SANBR: variants seen among roughly 807,000 people sequenced by gnomAD.
The protein encoded by SANBR is SANT and BTB domain regulator of CSR.
In SANBR, 77 loss-of-function variants were observed where a neutral mutation model predicts 101.8. The observed-to-expected ratio is 0.76, with a 90% confidence interval of 0.63 to 0.91. The LOEUF is 0.91. Ranked by LOEUF, SANBR falls within the 40% of genes least tolerant of loss-of-function variation. The pLI is 0.00. For missense variants in SANBR, 875 were observed against 853.0 expected, an observed-to-expected ratio of 1.03 and a Z score of -0.32; for synonymous variants, 279 against 274.7, an observed-to-expected ratio of 1.02 and a Z score of -0.15.
At chr2:61,105,560 G>A (rs1363856843) in intron 13 of SANBR, among the ~76,000 whole-genome samples, 1 of 151,812 alleles carries the variant, frequency 6.6e-6, no homozygotes, top group East Asian at 2.0e-4. Context: ...TAGAGACAGG[G>A]TTTCACCATG....
At chr2:61,074,842 A>G (rs893742172) in intron 5 of SANBR, 2 of 152,240 alleles carry the variant, frequency 1.3e-5, no homozygotes, top group African/African-American at 2.4e-5. Flanking sequence ...TTCAATTATT[A>G]CCTGTTTATA....
chr2:61,135,833 A>G (rs1684824062), intron 21 of SANBR, among the ~76,000 whole-genome samples: 1 of 152,188 alleles, frequency 6.6e-6, no homozygotes, highest in African/African-American at 2.4e-5. Flanking sequence ...AGGGAAAGAA[A>G]GCAGAAAAAG....
At chr2:61,070,960 G>A (rs1275288524) in intron 3 of SANBR, among the ~76,000 whole-genome samples, 2 of 151,112 alleles carry the variant, frequency 1.3e-5, no homozygotes, top group South Asian at 2.1e-4. Context: ...GACCTCAAGC[G>A]ATCTTTCTGC....
chr2:61,073,521 ATGG>A lies in SANBR; in HGVS notation c.405_407del (p.Gly136del), dbSNP rs771998743. Reference sequence around the variant, plus strand: ...GAAAGTGAAAATTGTACTACTCATAATGGTGGAGAAATGACTGAAGAATCTGAA... The same window carrying A: ...GAAAGTGAAAATTGTACTACTCATAATGGAGAAATGACTGAAGAATCTGAA... On this transcript the variant is annotated inframe_deletion, in exon 5 of 22. Transcript: ENST00000402291. 2 of 1,580,290 alleles carry A rather than the reference ATGG, an allele frequency of 1.3e-6. No individual in the cohort carries two copies. Among genetic ancestry groups the A allele is most frequent in the South Asian group, 1.2e-5 (1 of 86,486 alleles).
Position 61,122,109 on chromosome 2 carries a change from C to G in SANBR, c.2121-17C>G. ...TTAGAAGCAATTCTGACCTCCTTTT[C>G]TGTTTAAAAAATCTAGGTCTAAAAG... is the stretch of plus-strand genomic sequence containing the variant. On this transcript the variant is annotated splice_polypyrimidine_tract_variant and intron_variant, in intron 21 of 21. Transcript: ENST00000402291. 3.9e-6 allele frequency: 6 copies of G among 1,549,728 alleles called. No individual in the cohort carries two copies. Among genetic ancestry groups the G allele is most frequent in the Non-Finnish European group, 5.2e-6 (6 of 1,145,838 alleles).
chr2:61,089,232 C>T lies in SANBR; in HGVS notation c.1088+764C>T, dbSNP rs945552213. ...GTCAGTATTTCATTAATATGTAGGC[C>T]GGGCACGGTGGCTCACACCTATAAT... is the stretch of plus-strand genomic sequence containing the variant. On this transcript the variant is annotated intron_variant, in intron 10 of 21. Coordinates refer to ENST00000402291, the MANE Select transcript of SANBR (RefSeq NM_001129993.3). 18 of 980,946 alleles carry T rather than the reference C, an allele frequency of 1.8e-5. No individual in the cohort carries two copies. The Admixed American group carries it at 8.0e-4, about 44-fold the overall frequency. 60.8% of individuals were successfully genotyped at this position (980,946 alleles called of 1,614,324 possible). A position where few individuals can be genotyped will look rare whatever the true frequency, so the allele number is the denominator to read the frequency against.
At chr2:61,118,656 G>T (rs1259510242) in intron 20 of SANBR, among the ~76,000 whole-genome samples, 1 of 142,868 alleles carries the variant, frequency 7.0e-6, no homozygotes, top group Non-Finnish European at 1.5e-5. Context: ...CCACCTCCCA[G>T]GTTCAAGTGA....
intron 6 of SANBR, among the ~76,000 whole-genome samples, chr2:61,081,146 T>TTA (rs1391463245): frequency 6.6e-6 from 1 of 152,178 alleles, no homozygotes; most frequent in African/African-American, 2.4e-5. Context: ...ATGCAATGAA[T>TTA]TATAGTCTCA....
intron 14 of SANBR, among the ~76,000 whole-genome samples, chr2:61,107,526 T>G (rs556193199): frequency 2.2e-4 from 34 of 152,244 alleles, no homozygotes; most frequent in Admixed American, 1.6e-3. Flanking sequence ...GAATGTTCTG[T>G]CTTTGTGTTG....
intron 12 of SANBR, among the ~76,000 whole-genome samples, chr2:61,102,693 T>C (rs949668846): frequency 6.6e-6 from 1 of 151,970 alleles, no homozygotes; most frequent in Admixed American, 6.6e-5. Context: ...CGTGCCACCA[T>C]GCCTGGCTAA....
intron 8 of SANBR, among the ~76,000 whole-genome samples, chr2:61,087,441 C>G (rs1231310977): frequency 6.6e-6 from 1 of 151,654 alleles, no homozygotes; most frequent in African/African-American, 2.4e-5. Flanking sequence ...ACACAGTAGT[C>G]CTAGCTACTT....
chr2:61,095,310 AACTCATAAAATGG>A lies in SANBR; in HGVS notation c.1213-2389_1213-2377del, dbSNP rs201640773. 2.8e-3 allele frequency among the ~76,000 whole-genome samples: 423 copies of A among 152,322 alleles called. 2 individuals are homozygous for A. The highest frequency in any genetic ancestry group is 8.6e-3 in the African/African-American group (356 of 41,560). On this transcript the variant is annotated intron_variant, in intron 11 of 21. Transcript: ENST00000402291. ...TTGACTATTTATTATAGAGCTCATAAACTCATAAAATGGTTTGTATGCAGAATATTGTATATAA... is the reference window on the plus strand; with the variant it reads ...TTGACTATTTATTATAGAGCTCATAATTTGTATGCAGAATATTGTATATAA...
chr2:61,124,702 T>TC (rs1187943568), downstream of SANBR, among the ~76,000 whole-genome samples: 2 of 127,958 alleles, frequency 1.6e-5, no homozygotes, highest in African/African-American at 6.9e-5. Context: ...CAAGACCCTA[T>TC]CAAAAAAAAA....
chr2:61,106,554 T>G lies in SANBR; in HGVS notation c.1512-9T>G. ...ACTCTTCTCCGTAAAAATGTCTTTT[T>G]CTTTCAAGTGATGTTGGGGTTGGCC... On this transcript the variant is annotated splice_polypyrimidine_tract_variant and intron_variant, in intron 13 of 21. Transcript: ENST00000402291. 1 of 1,558,898 alleles carries G rather than the reference T, an allele frequency of 6.4e-7. No homozygotes were observed. The highest frequency in any genetic ancestry group is 8.7e-7 in the Non-Finnish European group (1 of 1,146,456).
Position 61,086,381 on chromosome 2 carries a change from TAATA to T in SANBR, c.891-1774_891-1771del, listed in dbSNP as rs1298479140. On this transcript the variant is annotated intron_variant, in intron 8 of 21. Transcript: ENST00000402291. ...AATAAATTAAATAAATAAATTTATT[TAATA>T]AATTAAATTGTTGGTGCTATTGTAA... Among the ~76,000 whole-genome samples, 3 of 151,886 alleles carry T rather than the reference TAATA, an allele frequency of 2.0e-5. No homozygotes were observed. In the East Asian group the frequency reaches 5.8e-4, roughly 29 times the overall value.
intron 15 of SANBR, 104 bp from the exon 16 acceptor site, chr2:61,109,093 C>T: frequency 1.9e-6 from 1 of 529,584 alleles, no homozygotes; most frequent in Non-Finnish European, 3.2e-6. Context: ...TTTATCAGCT[C>T]TTGATTGACT....
intron 20 of SANBR, among the ~76,000 whole-genome samples, chr2:61,120,546 A>G (rs1467772644): frequency 6.6e-6 from 1 of 152,164 alleles, no homozygotes; most frequent in Non-Finnish European, 1.5e-5. Context: ...CCTGGGCAAC[A>G]TAGGGAGATT....
intron 11 of SANBR, 49 bp from the exon 12 acceptor site, chr2:61,097,651 A>G (rs1683092274): frequency 2.9e-6 from 4 of 1,388,496 alleles, no homozygotes; most frequent in African/African-American, 2.9e-5. Context: ...TTTGAAACAT[A>G]TAATTTTGTT....
intron 5 of SANBR, among the ~76,000 whole-genome samples, chr2:61,073,954 A>T (rs1173585054): frequency 2.2e-5 from 3 of 137,876 alleles, no homozygotes; most frequent in African/African-American, 8.9e-5. Context: ...AATGTCTTTC[A>T]GTGTATTGCA....
Sources: gnomAD v4.1 joint callset for allele counts (sites outside exome capture counted in the v4.1 genomes callset) on GRCh38, gnomAD v4.1.1 for gene constraint, MANE v1.5 for transcripts, NCBI Gene and HGNC (gene_info 2026-07-23, HGNC 2026-07-21) for gene names.